GPR158: variants seen among roughly 807,000 people sequenced by gnomAD.
The protein encoded by GPR158 is G protein-coupled receptor 158.
Under a neutral mutation model 78.2 loss-of-function variants are expected in GPR158, and 30 were observed. The observed-to-expected ratio is 0.38, with a 90% CI of 0.29 to 0.52. The LOEUF (loss-of-function observed/expected upper bound fraction) is 0.52. GPR158 is among the 20% of genes least tolerant of loss of function. The pLI, the probability that GPR158 is intolerant of heterozygous loss-of-function variation, is 0.83. For missense variants in GPR158, 1,463 were observed against 1,523.5 expected, an observed-to-expected ratio of 0.96 and a Z score of 0.66; for synonymous variants, 581 against 591.1, an observed-to-expected ratio of 0.98 and a Z score of 0.25.
At chr10:25,491,441 A>G (rs1361344096) in intron 5 of GPR158, among the ~76,000 whole-genome samples, 1 of 152,202 alleles carries the variant, frequency 6.6e-6, no homozygotes, top group Non-Finnish European at 1.5e-5. Context: ...GGACTTAAAA[A>G]AGAATGAAGT....
At chr10:25,372,647 G>A (rs960627769) in intron 2 of GPR158, among the ~76,000 whole-genome samples, 8 of 138,864 alleles carry the variant, frequency 5.8e-5, no homozygotes, top group African/African-American at 1.9e-4. Flanking sequence ...TCATAGGTGG[G>A]AATTGAACAA....
chr10:25,559,446 G>T (rs545634268), intron 6 of GPR158, among the ~76,000 whole-genome samples: 1 of 152,116 alleles, frequency 6.6e-6, no homozygotes, highest in Non-Finnish European at 1.5e-5. Context: ...CTTTTTAAAA[G>T]CTGGGTTATT....
chr10:25,434,553 C>T (rs1488880505), intron 4 of GPR158, among the ~76,000 whole-genome samples: 1 of 152,112 alleles, frequency 6.6e-6, no homozygotes, highest in Admixed American at 6.5e-5. Flanking sequence ...TAAATTAATG[C>T]CTTCATTAAT....
chr10:25,311,182 T>C (rs538173932), intron 2 of GPR158, among the ~76,000 whole-genome samples: 1 of 152,044 alleles, frequency 6.6e-6, no homozygotes, highest in African/African-American at 2.4e-5. Context: ...CATGTTCATT[T>C]TTCCATATGA....
chr10:25,403,098 A>C (rs1417889764), intron 3 of GPR158, among the ~76,000 whole-genome samples: 1 of 151,898 alleles, frequency 6.6e-6, no homozygotes, highest in Non-Finnish European at 1.5e-5. Context: ...AAATATACAT[A>C]GTTTTCTTGA....
At chr10:25,364,683 A>G (rs772276841) in intron 2 of GPR158, among the ~76,000 whole-genome samples, 3 of 151,866 alleles carry the variant, frequency 2.0e-5, no homozygotes, top group Non-Finnish European at 2.9e-5. Context: ...ATTTTATTGA[A>G]TAATTTTTCT....
intron 1 of GPR158, among the ~76,000 whole-genome samples, chr10:25,196,264 T>C (rs980599270): frequency 6.6e-5 from 10 of 152,070 alleles, no homozygotes; most frequent in African/African-American, 2.4e-4. Context: ...TATTCTTTTC[T>C]TTTTTTGTTA....
intron 1 of GPR158, among the ~76,000 whole-genome samples, chr10:25,208,546 T>C (rs1853079155): frequency 6.7e-6 from 1 of 148,372 alleles, no homozygotes; most frequent in South Asian, 2.2e-4. Flanking sequence ...GATTCTTTGG[T>C]CCTATGTGAA....
intron 2 of GPR158, among the ~76,000 whole-genome samples, chr10:25,309,360 C>A (rs112935168): frequency 6.6e-6 from 1 of 151,776 alleles, no homozygotes; most frequent in Non-Finnish European, 1.5e-5. Flanking sequence ...TCTTCTTTAG[C>A]AAAATATCTA....
chr10:25,442,172 A>T (rs1282814787), intron 4 of GPR158, among the ~76,000 whole-genome samples: 1 of 152,154 alleles, frequency 6.6e-6, no homozygotes, highest in Non-Finnish European at 1.5e-5. Context: ...TGACTGAGAG[A>T]TGATAAAAGC....
At chr10:25,527,242 A>G (rs61333610) in intron 5 of GPR158, among the ~76,000 whole-genome samples, 2,846 of 152,328 alleles carry the variant, frequency 0.019, 87 homozygotes, top group African/African-American at 0.065. Flanking sequence ...ACAAAACTGT[A>G]CAAGTGGTAT....
At chr10:25,200,862 TG>T (rs1336606664) in intron 1 of GPR158, among the ~76,000 whole-genome samples, 68 of 138,040 alleles carry the variant, frequency 4.9e-4, no homozygotes, top group Admixed American at 1.1e-3. Context: ...ATCTGTTTTT[TG>T]TTTTGTTTTT....
intron 4 of GPR158, among the ~76,000 whole-genome samples, chr10:25,443,780 C>A (rs957728217): frequency 6.6e-6 from 1 of 151,752 alleles, no homozygotes; most frequent in Non-Finnish European, 1.5e-5. Flanking sequence ...GGACTGAACA[C>A]CTGCTGGTGT....
intron 4 of GPR158, among the ~76,000 whole-genome samples, chr10:25,444,854 G>T (rs956925324): frequency 7.9e-5 from 12 of 152,126 alleles, no homozygotes; most frequent in African/African-American, 2.7e-4. Context: ...GTAGTCATGT[G>T]ATGTATGCTT....
chr10:25,278,184 A>G (rs1854213141), intron 2 of GPR158, among the ~76,000 whole-genome samples: 1 of 152,202 alleles, frequency 6.6e-6, no homozygotes, highest in Admixed American at 6.5e-5. Flanking sequence ...ACAAAATAGC[A>G]CACACAAAAA....
At chr10:25,360,438 G>A (rs911739268) in intron 2 of GPR158, among the ~76,000 whole-genome samples, 2 of 152,100 alleles carry the variant, frequency 1.3e-5, no homozygotes, top group South Asian at 2.1e-4. Flanking sequence ...TAAGGTGTAA[G>A]GAAGGTGTCC....
At chr10:25,453,079 G>C (rs1416647857) in intron 4 of GPR158, among the ~76,000 whole-genome samples, 1 of 152,150 alleles carries the variant, frequency 6.6e-6, no homozygotes, top group African/African-American at 2.4e-5. Flanking sequence ...AGGCTGAATA[G>C]TATTCCATTG....
chr10:25,465,037 T>G (rs1242279623), intron 4 of GPR158, among the ~76,000 whole-genome samples: 8 of 151,158 alleles, frequency 5.3e-5, no homozygotes, highest in Non-Finnish European at 1.0e-4. Context: ...AAGCCCTGAG[T>G]TTTTTTTTGA....
At chr10:25,337,937 ATTAATAT>A (rs1855232652) in intron 2 of GPR158, among the ~76,000 whole-genome samples, 1 of 151,930 alleles carries the variant, frequency 6.6e-6, no homozygotes, top group South Asian at 2.1e-4. Flanking sequence ...CTTTTTTGAA[ATTAATAT>A]TTAAGTATTT....
Sources: allele counts gnomAD v4.1 joint callset (sites outside exome capture counted in the v4.1 genomes callset), GRCh38; gene constraint gnomAD v4.1.1; transcripts MANE v1.5; gene names NCBI Gene and HGNC (gene_info 2026-07-23, HGNC 2026-07-21).